Variants in NCKAP5 observed in about 807,000 individuals in gnomAD.
The protein encoded by NCKAP5 is nck-associated protein 5.
A neutral mutation model predicts 167.0 loss-of-function variants in NCKAP5; 92 were observed. The observed-to-expected ratio is 0.55, with a 90% confidence interval of 0.47 to 0.66. The LOEUF is 0.66. Ranked by LOEUF, NCKAP5 falls within the 30% of genes least tolerant of loss-of-function variation. The pLI is 0.00. For synonymous variants in NCKAP5, 891 were observed against 877.4 expected, an observed-to-expected ratio of 1.02 and a Z score of -0.27; for missense variants, 2,378 against 2,315.0, an observed-to-expected ratio of 1.03 and a Z score of -0.56.
At position 132,944,174 on chromosome 2, in the gene NCKAP5, G is replaced by C. The variant is rs368530653; in HGVS notation, c.579+19546C>G. 7.1e-4 allele frequency among the ~76,000 whole-genome samples: 108 copies of C among 152,284 alleles called. 1 individual carries two copies. In the South Asian group the frequency reaches 0.022, roughly 31 times the overall value. ...AGCCCAAAGAAGAAATGTTTTGGGG[G>C]CAGGGGGAATATGGGAGTTATCCCT... On this transcript the variant is annotated intron_variant, in intron 8 of 19. Coordinates refer to ENST00000409261, the MANE Select transcript of NCKAP5 (RefSeq NM_207363.3).
At chr2:132,987,816 G>A (rs2077331281) in intron 7 of NCKAP5, among the ~76,000 whole-genome samples, 1 of 152,124 alleles carries the variant, frequency 6.6e-6, no homozygotes, top group Admixed American at 6.5e-5. Context: ...TAATTAAAAG[G>A]GTGCAAAGGA....
intron 11 of NCKAP5, among the ~76,000 whole-genome samples, chr2:132,830,879 G>C (rs1687474097): frequency 6.6e-6 from 1 of 152,126 alleles, no homozygotes; most frequent in East Asian, 1.9e-4. Flanking sequence ...AGTAAAAGTG[G>C]AAGTCTTTTT....
intron 5 of NCKAP5, among the ~76,000 whole-genome samples, chr2:133,194,031 T>C (rs963153426): frequency 2.0e-5 from 3 of 152,136 alleles, no homozygotes; most frequent in Non-Finnish European, 4.4e-5. Context: ...CAAATATACA[T>C]TGATATGCAT....
chr2:133,181,603 CAAAAAAA>C (rs34264277), intron 5 of NCKAP5, among the ~76,000 whole-genome samples: 756 of 71,154 alleles, frequency 0.011, 8 homozygotes, highest in African/African-American at 0.039. Context: ...CCCATCTCTA[CAAAAAAA>C]AAAAAAAAAA....
At chr2:132,868,754 A>G (rs1479310933) in intron 10 of NCKAP5, among the ~76,000 whole-genome samples, 182 bp downstream of exon 10, 1 of 152,196 alleles carries the variant, frequency 6.6e-6, no homozygotes, top group Non-Finnish European at 1.5e-5. Flanking sequence ...TGGATTTTTT[A>G]TTACAAATTC....
chr2:133,308,200 C>T (rs955542410), intron 3 of NCKAP5, among the ~76,000 whole-genome samples: 13 of 150,826 alleles, frequency 8.6e-5, no homozygotes, highest in Admixed American at 2.6e-4. Flanking sequence ...GCCATTCTCC[C>T]ACCTCAGCCT....
chr2:133,347,711 G>T (rs1477227558), intron 3 of NCKAP5, among the ~76,000 whole-genome samples: 2 of 151,734 alleles, frequency 1.3e-5, no homozygotes, highest in Non-Finnish European at 2.9e-5. Context: ...TTTCATTCTG[G>T]CCTCCCCTCT....
At chr2:132,756,080 C>T (rs1447913710) in intron 16 of NCKAP5, among the ~76,000 whole-genome samples, 1 of 151,964 alleles carries the variant, frequency 6.6e-6, no homozygotes, top group Non-Finnish European at 1.5e-5. Flanking sequence ...AAAGGGAGAA[C>T]TGGAGGAGGC....
At chr2:132,880,186 T>G (rs1691638478) in intron 8 of NCKAP5, among the ~76,000 whole-genome samples, 1 of 152,174 alleles carries the variant, frequency 6.6e-6, no homozygotes. Flanking sequence ...CATTGGTCAA[T>G]GGTTACAGAT....
chr2:133,368,390 AT>A (rs942475235), intron 3 of NCKAP5, among the ~76,000 whole-genome samples: 7 of 152,226 alleles, frequency 4.6e-5, no homozygotes, highest in African/African-American at 1.7e-4. Context: ...AAATTTGCTG[AT>A]TTTTATTTTT....
At chr2:133,597,673 CAAAAAAAAAA>C in the NCKAP5 span, among the ~76,000 whole-genome samples, 4 of 61,122 alleles carry the variant, frequency 6.5e-5, no homozygotes, top group Non-Finnish European at 1.2e-4. Flanking sequence ...GACTCTGTCT[CAAAAAAAAAA>C]AAAAAAAAAA....
chr2:133,497,633 T>C (rs951358028), intron 3 of NCKAP5, among the ~76,000 whole-genome samples: 1 of 152,222 alleles, frequency 6.6e-6, no homozygotes, highest in Admixed American at 6.5e-5. Flanking sequence ...CCTTGTCCTG[T>C]GTAACAGAAA....
intron 6 of NCKAP5, among the ~76,000 whole-genome samples, chr2:133,072,454 G>C (rs1329266773): frequency 1.3e-5 from 2 of 151,904 alleles, no homozygotes; most frequent in Non-Finnish European, 2.9e-5. Context: ...ATTTCACTGT[G>C]TCCTCCCACT....
chr2:133,039,220 C>T (rs2079135366), intron 6 of NCKAP5, among the ~76,000 whole-genome samples: 1 of 152,134 alleles, frequency 6.6e-6, no homozygotes, highest in African/African-American at 2.4e-5. Context: ...GTTAGATCAC[C>T]TTGACTTCTA....
At chr2:133,463,467 G>A (rs1252593332) in intron 3 of NCKAP5, among the ~76,000 whole-genome samples, 1 of 152,224 alleles carries the variant, frequency 6.6e-6, no homozygotes, top group East Asian at 1.9e-4. Flanking sequence ...GTTTTAGGCT[G>A]AAGTCCATTG....
chr2:133,338,592 G>A (rs146650676), intron 3 of NCKAP5, among the ~76,000 whole-genome samples: 61 of 152,310 alleles, frequency 4.0e-4, no homozygotes, highest in African/African-American at 1.3e-3. Context: ...ATTTGCTAAG[G>A]CAGGAGGCCT....
At chr2:132,978,994 T>C (rs531160837) in intron 7 of NCKAP5, among the ~76,000 whole-genome samples, 1 of 152,196 alleles carries the variant, frequency 6.6e-6, no homozygotes, top group South Asian at 2.1e-4. Context: ...GAAACTCAGC[T>C]CTACACGTAA....
intron 3 of NCKAP5, among the ~76,000 whole-genome samples, chr2:133,514,945 G>C (rs947942148): frequency 2.6e-5 from 4 of 151,838 alleles, no homozygotes; most frequent in African/African-American, 7.3e-5. Flanking sequence ...AAAATAAAAA[G>C]CATGCATTGG....
chr2:133,297,193 G>A (rs1408042254), intron 4 of NCKAP5, among the ~76,000 whole-genome samples: 1 of 151,170 alleles, frequency 6.6e-6, no homozygotes, highest in Non-Finnish European at 1.5e-5. Context: ...GTGTGTGTGT[G>A]TGTGTGTGTG....
Sources: gnomAD v4.1 joint callset for allele counts (sites outside exome capture counted in the v4.1 genomes callset) on GRCh38, gnomAD v4.1.1 for gene constraint, MANE v1.5 for transcripts, NCBI Gene and HGNC (gene_info 2026-07-23, HGNC 2026-07-21) for gene names.